COL24A1: variants seen among roughly 807,000 people sequenced by gnomAD.
COL24A1 encodes the protein collagen type XXIV alpha 1 chain.
Under a neutral mutation model 253.9 loss-of-function variants are expected in COL24A1, and 224 were observed. The observed-to-expected ratio is 0.88, with a 90% CI of 0.79 to 0.99. The LOEUF is 0.99. COL24A1 is among the 50% of genes least tolerant of loss of function. COL24A1 has a pLI of 0.00. For missense variants in COL24A1, 2,131 were observed against 2,068.5 expected (o/e 1.03, Z -0.59); for synonymous variants, 685 against 673.7 (o/e 1.02, Z -0.26).
rs1571301581 is a variant in COL24A1, at chr1:85,940,122, G to GATATATTCA, written c.2562+21126_2562+21127insTGAATATAT. ...TTAACACTTTTAAAAAGTGCCATAA[G>GATATATTCA]GGCCGGGCGCGGTGGCTCACGCCTG... On this transcript the variant is annotated intron_variant, in intron 24 of 59. Coordinates refer to ENST00000370571, the MANE Select transcript of COL24A1 (RefSeq NM_152890.7). Among the ~76,000 whole-genome samples the GATATATTCA allele has an allele frequency of 3.4e-4, 30 of 88,228 alleles. 1 individual carries two copies. Among genetic ancestry groups the GATATATTCA allele is most frequent in the South Asian group, 7.5e-4 (2 of 2,684 alleles). The allele number at this position is 88,228 out of a possible 152,430, so 57.9% of individuals were successfully genotyped here.
chr1:85,975,554 T>TAA (rs939351978), intron 20 of COL24A1, among the ~76,000 whole-genome samples: 1 of 151,254 alleles, frequency 6.6e-6, no homozygotes, highest in African/African-American at 2.4e-5. Context: ...ATGTGGAAGC[T>TAA]AAAAAAAAAT....
At chr1:85,775,630 C>G (rs1668463113) in intron 53 of COL24A1, 44 bp downstream of exon 53, 2 of 1,516,158 alleles carry the variant, frequency 1.3e-6, no homozygotes, top group South Asian at 2.4e-5. Context: ...GAGCTTATAG[C>G]CTAGTGTCAG....
intron 20 of COL24A1, among the ~76,000 whole-genome samples, chr1:85,980,525 T>C (rs1429796532): frequency 2.0e-5 from 3 of 152,206 alleles, no homozygotes; most frequent in Non-Finnish European, 2.9e-5. Context: ...AGCACTGCTA[T>C]ACACCAACAA....
chr1:85,833,533 T>C (rs1384088987), intron 43 of COL24A1, among the ~76,000 whole-genome samples: 1 of 152,160 alleles, frequency 6.6e-6, no homozygotes, highest in Non-Finnish European at 1.5e-5. Context: ...GTAAACTAGT[T>C]CAACCATTGT....
chr1:85,799,803 ATG>A (rs758424186), intron 47 of COL24A1, among the ~76,000 whole-genome samples: 3 of 152,224 alleles, frequency 2.0e-5, no homozygotes, highest in Non-Finnish European at 2.9e-5. Context: ...TATTCTAAGT[ATG>A]CATGTAAAAT....
In COL24A1 at chr1:86,022,887, AAG is replaced by A; in HGVS notation, c.2104-12_2104-11del. The A allele has an allele frequency of 1.5e-5, 24 of 1,608,754 alleles. No individual in the cohort carries two copies. Among genetic ancestry groups the A allele is most frequent in the Non-Finnish European group, 2.0e-5 (24 of 1,177,162 alleles). On this transcript the variant is annotated splice_polypyrimidine_tract_variant and intron_variant, in intron 15 of 59. Transcript: ENST00000370571. ...TATTCCCTGAAAGGCCCTACAAAAAAAGGTGACATTTTGTGATATCATAGACA... is the reference window on the plus strand; with the variant it reads ...TATTCCCTGAAAGGCCCTACAAAAAAGTGACATTTTGTGATATCATAGACA...
intron 37 of COL24A1, among the ~76,000 whole-genome samples, chr1:85,864,048 G>A (rs951021704): frequency 2.6e-5 from 4 of 152,044 alleles, no homozygotes; most frequent in South Asian, 2.1e-4. Context: ...ATCCCATTAC[G>A]GGTATATACC....
At chr1:85,811,012 C>T (rs1013563365) in intron 47 of COL24A1, among the ~76,000 whole-genome samples, 1 of 152,072 alleles carries the variant, frequency 6.6e-6, no homozygotes, top group African/African-American at 2.4e-5. Flanking sequence ...TGGGGTTTGC[C>T]AGTATCATAG....
intron 24 of COL24A1, chr1:85,961,028 T>C (rs1342350180): frequency 8.4e-6 from 4 of 477,462 alleles, no homozygotes; most frequent in Non-Finnish European, 1.5e-5. Flanking sequence ...AAATATACTT[T>C]ATATTGGATG....
chr1:85,881,489 GT>G (rs1681842927), intron 32 of COL24A1, among the ~76,000 whole-genome samples: 1 of 152,062 alleles, frequency 6.6e-6, no homozygotes, highest in Non-Finnish European at 1.5e-5. Flanking sequence ...GCCAGGTGTG[GT>G]GGTACGCACC....
At chr1:86,013,084 T>C (rs1194763366) in intron 19 of COL24A1, among the ~76,000 whole-genome samples, 1 of 152,238 alleles carries the variant, frequency 6.6e-6, no homozygotes, top group Non-Finnish European at 1.5e-5. Flanking sequence ...ATTTCTGTTT[T>C]ACAGATGAGG....
At chr1:86,049,240 A>G (rs1045608202) in intron 11 of COL24A1, among the ~76,000 whole-genome samples, 1 of 152,258 alleles carries the variant, frequency 6.6e-6, no homozygotes. Flanking sequence ...TTGTCATTAC[A>G]GCATATTTAA....
In COL24A1 at chr1:85,842,340, C is replaced by A; in HGVS notation, c.3516G>T (p.Arg1172Ser). The A allele has an allele frequency of 1.3e-6, 2 of 1,591,634 alleles. No homozygotes were observed. The highest frequency in any genetic ancestry group is 1.7e-6 in the Non-Finnish European group (2 of 1,166,172). Residue 1172 changes from arginine (R) to serine (S), a missense_variant and splice_region_variant, in exon 40 of 60, where the codon AGG (arginine) becomes AGT (serine). Transcript: ENST00000370571. ...TATTTTTTCAATTATAAATACTTACCCTGTACCCTGGAATTCCTGGTTCTC... is the reference window on the plus strand; with the variant it reads ...TATTTTTTCAATTATAAATACTTACACTGTACCCTGGAATTCCTGGTTCTC... ...PDGEPGIPGY[R>S]GHQGQPGPSG...
chr1:85,950,290 C>T (rs968794576), intron 24 of COL24A1, among the ~76,000 whole-genome samples: 1 of 152,054 alleles, frequency 6.6e-6, no homozygotes, highest in African/African-American at 2.4e-5. Context: ...GTGACAGACT[C>T]AAAAAGCCAG....
At chr1:86,097,381 TC>T (rs1703980663) in intron 5 of COL24A1, among the ~76,000 whole-genome samples, 17 of 73,954 alleles carry the variant, frequency 2.3e-4, no homozygotes, top group Non-Finnish European at 2.7e-4. Flanking sequence ...CCTTCTTTCT[TC>T]TCTTTTCTTT....
intron 2 of COL24A1, among the ~76,000 whole-genome samples, chr1:86,137,103 G>T (rs1406611344): frequency 6.6e-6 from 1 of 151,928 alleles, no homozygotes; most frequent in Non-Finnish European, 1.5e-5. Flanking sequence ...TTACAATTAG[G>T]GGTTGAATTT....
intron 12 of COL24A1, among the ~76,000 whole-genome samples, chr1:86,037,501 C>T (rs1195569761): frequency 2.0e-5 from 3 of 152,082 alleles, no homozygotes; most frequent in Admixed American, 6.6e-5. Context: ...TGAGAGTGGC[C>T]CATAGCCAAG....
At chr1:86,156,130 G>C (rs1046429804) in intron 1 of COL24A1, 6 of 513,834 alleles carry the variant, frequency 1.2e-5, no homozygotes, top group Non-Finnish European at 2.1e-5. Flanking sequence ...AGCATAAACT[G>C]TCTGAGATCT....
intron 20 of COL24A1, among the ~76,000 whole-genome samples, chr1:85,973,943 C>T (rs1318139165): frequency 6.6e-6 from 1 of 152,058 alleles, no homozygotes; most frequent in Admixed American, 6.6e-5. Context: ...GATGTAATTA[C>T]ATTATTATTA....
Sources: allele counts gnomAD v4.1 joint callset (sites outside exome capture counted in the v4.1 genomes callset), GRCh38; gene constraint gnomAD v4.1.1; transcripts MANE v1.5; gene names NCBI Gene and HGNC (gene_info 2026-07-23, HGNC 2026-07-21).